AKAP12: variants seen among roughly 807,000 people sequenced by gnomAD.
AKAP12 encodes A-kinase anchoring protein 12, also known as A-kinase anchor protein 12.
A neutral mutation model predicts 79.9 loss-of-function variants in AKAP12; 32 were observed. The ratio of observed to expected loss-of-function variants is 0.40; its 90% CI spans 0.30 to 0.54. The LOEUF (loss-of-function observed/expected upper bound fraction) is 0.54, where lower values mean the gene tolerates loss of function less well. Ranked by LOEUF, AKAP12 falls within the 20% of genes least tolerant of loss-of-function variation. AKAP12 has a pLI of 0.48. For synonymous variants in AKAP12, 808 were observed against 857.0 expected (o/e 0.94, Z 1.00); for missense variants, 2,074 against 2,177.0 (o/e 0.95, Z 0.94).
chr6:151,318,023 G>A (rs1777274555), intron 3 of AKAP12, among the ~76,000 whole-genome samples: 1 of 152,176 alleles, frequency 6.6e-6, no homozygotes, highest in Non-Finnish European at 1.5e-5. Context: ...TTAGCATTAT[G>A]GACTGAAGGT....
intron 3 of AKAP12, among the ~76,000 whole-genome samples, chr6:151,328,445 T>C (rs909483201): frequency 2.0e-5 from 3 of 151,746 alleles, no homozygotes; most frequent in Non-Finnish European, 4.4e-5. Flanking sequence ...AAGACTAGCC[T>C]GACCAACATG....
rs374189031 is a variant in AKAP12, at chr6:151,288,506, C to T, written c.163-17241C>T. Among the ~76,000 whole-genome samples the T allele has an allele frequency of 5.3e-5, 8 of 152,026 alleles. No homozygotes were observed. The East Asian group carries it at 7.7e-4, about 15-fold the overall frequency. Reference sequence around the variant, plus strand: ...CAGCCTGGGGGACAGAGCAAGACATCGTCTCAAAAGAAAGAAAGAAAGAAA... The same window carrying T: ...CAGCCTGGGGGACAGAGCAAGACATTGTCTCAAAAGAAAGAAAGAAAGAAA... On this transcript the variant is annotated intron_variant, in intron 2 of 4. Coordinates refer to ENST00000402676, the MANE Select transcript of AKAP12 (RefSeq NM_005100.4).
In AKAP12 at chr6:151,356,084, C is replaced by T. The variant is rs1419622725; in HGVS notation, c.*370C>T. On this transcript the variant is annotated 3_prime_UTR_variant, in exon 5 of 5. Coordinates refer to ENST00000402676, the MANE Select transcript of AKAP12 (RefSeq NM_005100.4). ...TATATGTATGTTTTAAGTAGTCCTC[C>T]TGTATCTATTGTATATTTTTTTCTT... 6.6e-6 allele frequency: 1 copy of T among 152,598 alleles called. No homozygotes were observed. Among genetic ancestry groups the T allele is most frequent in the Admixed American group, 6.5e-5 (1 of 15,286 alleles). 9.5% of individuals were successfully genotyped at this position (152,598 alleles called of 1,614,324 possible).
chr6:151,319,986 A>T (rs758250136), intron 3 of AKAP12: 2 of 152,222 alleles, frequency 1.3e-5, no homozygotes, highest in African/African-American at 2.4e-5. Flanking sequence ...TCCAAGGGCG[A>T]TGCCAGGTTA....
At chr6:151,338,266 ATT>A (rs1777865548) in intron 3 of AKAP12, among the ~76,000 whole-genome samples, 1 of 152,150 alleles carries the variant, frequency 6.6e-6, no homozygotes, top group Non-Finnish European at 1.5e-5. Context: ...TCCTCTTTGC[ATT>A]ACAATATCCA....
chr6:151,355,782 A>C lies in AKAP12; in HGVS notation c.*68A>C, dbSNP rs943007446. ...ATGTGAAGACAAGTAGTAGAAGAAA[A>C]TGAATGCTGCTGCTGAGACTGAAGA... On this transcript the variant is annotated 3_prime_UTR_variant, in exon 5 of 5. Transcript: ENST00000402676. 1 of 152,618 alleles carries C rather than the reference A, an allele frequency of 6.6e-6. No homozygotes were observed. Among genetic ancestry groups the C allele is most frequent in the Non-Finnish European group, 1.5e-5 (1 of 68,032 alleles). 9.5% of individuals were successfully genotyped at this position (152,618 alleles called of 1,614,324 possible). A position where few individuals can be genotyped will look rare whatever the true frequency, so the allele number is the denominator to read the frequency against.
chr6:151,278,251 T>C (rs1338377895), intron 2 of AKAP12, among the ~76,000 whole-genome samples: 1 of 152,272 alleles, frequency 6.6e-6, no homozygotes, highest in Non-Finnish European at 1.5e-5. Context: ...AGTCTCACTC[T>C]GTCACTCAGG....
chr6:151,283,866 C>T (rs1359151126), intron 2 of AKAP12, among the ~76,000 whole-genome samples: 5 of 152,200 alleles, frequency 3.3e-5, no homozygotes, highest in Admixed American at 6.5e-5. Flanking sequence ...TCTCCAAAGA[C>T]ATTTCACATC....
chr6:151,349,789 C>G lies in AKAP12; in HGVS notation c.1398C>G (p.Leu466=), dbSNP rs1382221426. ...AACCTGCCAAGGAGCTGGTGAAGCTCAAAGAAACGTGTGTTTCCGGAGAGG... is the reference window on the plus strand; with the variant it reads ...AACCTGCCAAGGAGCTGGTGAAGCTGAAAGAAACGTGTGTTTCCGGAGAGG... ...EAEPAKELVK[L]KETCVSGEDP... Residue 466 remains leucine, a synonymous_variant, in exon 4 of 5, where the codon CTC becomes CTG. Coordinates refer to ENST00000402676, the MANE Select transcript of AKAP12 (RefSeq NM_005100.4). 9.3e-6 allele frequency: 15 copies of G among 1,613,898 alleles called. No individual in the cohort carries two copies. The highest frequency in any genetic ancestry group is 2.7e-5 in the African/African-American group (2 of 74,882).
chr6:151,314,428 A>G (rs898312178), intron 3 of AKAP12, among the ~76,000 whole-genome samples: 1 of 152,196 alleles, frequency 6.6e-6, no homozygotes, highest in Admixed American at 6.5e-5. Context: ...TTGAAACATA[A>G]TCCTCTTGGT....
Position 151,337,169 on chromosome 6 carries a change from A to G in AKAP12, c.320-11542A>G, listed in dbSNP as rs142169666. ...TTGTTTTCTATAATTTTTAGTAGTT[A>G]CCTGCAATTCCGAGTGCATTCTTCC... is the stretch of plus-strand genomic sequence containing the variant. On this transcript the variant is annotated intron_variant, in intron 3 of 4. Coordinates refer to ENST00000402676, the MANE Select transcript of AKAP12 (RefSeq NM_005100.4). Among the ~76,000 whole-genome samples the G allele has an allele frequency of 5.0e-4, 76 of 152,232 alleles. No individual in the cohort carries two copies. The East Asian group carries it at 0.013, about 25-fold the overall frequency.
chr6:151,250,790 A>G (rs936415565), intron 2 of AKAP12, among the ~76,000 whole-genome samples: 3 of 151,772 alleles, frequency 2.0e-5, no homozygotes, highest in Admixed American at 6.6e-5. Flanking sequence ...TATTTTTAGT[A>G]GAGATGGGGG....
At chr6:151,337,524 A>AAAAAAAGAAAG (rs535027217) in intron 3 of AKAP12, among the ~76,000 whole-genome samples, 10 of 129,810 alleles carry the variant, frequency 7.7e-5, no homozygotes, top group Non-Finnish European at 1.2e-4. Flanking sequence ...AAAAAAAAAA[A>AAAAAAAGAAAG]AAAGAAAGAA....
chr6:151,304,984 A>G (rs1210338045), intron 2 of AKAP12, among the ~76,000 whole-genome samples: 4 of 152,222 alleles, frequency 2.6e-5, no homozygotes, highest in Non-Finnish European at 5.9e-5. Flanking sequence ...ACCCAAATGG[A>G]CATGTTATAT....
At chr6:151,262,099 G>A (rs1797450624) in intron 2 of AKAP12, among the ~76,000 whole-genome samples, 2 of 152,022 alleles carry the variant, frequency 1.3e-5, no homozygotes, top group Admixed American at 1.3e-4. Context: ...ATAGGCATGT[G>A]CCACCATGCC....
At chr6:151,287,025 T>C (rs1371691370) in intron 2 of AKAP12, among the ~76,000 whole-genome samples, 1 of 150,972 alleles carries the variant, frequency 6.6e-6, no homozygotes, top group Non-Finnish European at 1.5e-5. Flanking sequence ...TGCTCACCTC[T>C]GCCTCCCGGG....
At chr6:151,320,115 A>G (rs1397398425) in intron 3 of AKAP12, among the ~76,000 whole-genome samples, 1 of 152,054 alleles carries the variant, frequency 6.6e-6, no homozygotes, top group East Asian at 1.9e-4. Flanking sequence ...AGGAAGTTGG[A>G]GAGCCTAATA....
At position 151,351,098 on chromosome 6, in the gene AKAP12, G is replaced by A; in HGVS notation, c.2707G>A (p.Ala903Thr). ...AGCTGTCGCTGACGGGACGAGGGCA[G>A]CTACCATTATTGAAGAAAGGTCTCC... ...AAAVADGTRA[A>T]TIIEERSPSW... Residue 903 changes from alanine to threonine, a missense_variant, in exon 4 of 5, where the codon GCT becomes ACT. Coordinates refer to ENST00000402676, the MANE Select transcript of AKAP12 (RefSeq NM_005100.4). The surrounding 1 kb of genome is among the most constrained non-coding windows in gnomAD (Gnocchi z 4.4). The A allele has an allele frequency of 1.2e-6, 2 of 1,614,224 alleles. No individual in the cohort carries two copies. Among genetic ancestry groups the A allele is most frequent in the South Asian group, 1.1e-5 (1 of 91,080 alleles).
rs941491877 is a variant in AKAP12 at position 151,356,973 on chromosome 6, T to C, written c.*1259T>C. Reference sequence around the variant, plus strand: ...AAACCAGTAGCTTTTCAGATTGACGTTCTTGCTACAATTGTACCATCTGGT... The same window carrying C: ...AAACCAGTAGCTTTTCAGATTGACGCTCTTGCTACAATTGTACCATCTGGT... On this transcript the variant is annotated 3_prime_UTR_variant, in exon 5 of 5. Transcript: ENST00000402676. The C allele has an allele frequency of 1.3e-5, 2 of 152,238 alleles. No homozygotes were observed. Among genetic ancestry groups the C allele is most frequent in the Middle Eastern group, 3.2e-3 (1 of 316 alleles). 9.4% of individuals were successfully genotyped at this position (152,238 alleles called of 1,614,324 possible).
Sources: allele counts gnomAD v4.1 joint callset (sites outside exome capture counted in the v4.1 genomes callset), GRCh38; gene constraint gnomAD v4.1.1; non-coding constraint Gnocchi (gnomAD v3.1); transcripts MANE v1.5; gene names NCBI Gene and HGNC (gene_info 2026-07-23, HGNC 2026-07-21).